The following ANKS1B variants were observed in gnomAD, a reference collection of about 807,000 sequenced individuals.
ANKS1B encodes ankyrin repeat and sterile alpha motif domain containing 1B.
Under a neutral mutation model 148.3 loss-of-function variants are expected in ANKS1B, and 36 were observed. The observed-to-expected ratio is 0.24, with a 90% CI of 0.19 to 0.32. ANKS1B has a LOEUF of 0.32. Among genes scored for constraint, ANKS1B ranks in the 10% least tolerant of loss-of-function variants. The pLI is 1.00. For missense variants in ANKS1B, 1,157 were observed against 1,542.6 expected, an observed-to-expected ratio of 0.75 and a Z score of 4.19; for synonymous variants, 542 against 560.8, an observed-to-expected ratio of 0.97 and a Z score of 0.47.
intron 17 of ANKS1B, among the ~76,000 whole-genome samples, chr12:98,978,812 A>T (rs770616665): frequency 3.3e-5 from 5 of 152,156 alleles, no homozygotes; most frequent in Non-Finnish European, 7.3e-5. Context: ...TAATAATAAC[A>T]TATTTTTGCT....
At chr12:99,200,892 G>T (rs1171076031) in intron 14 of ANKS1B, among the ~76,000 whole-genome samples, 1 of 152,162 alleles carries the variant, frequency 6.6e-6, no homozygotes, top group Non-Finnish European at 1.5e-5. Context: ...AAGAATCTGT[G>T]ACTCATCAAA....
At chr12:99,130,329 T>C (rs1479884949) in intron 15 of ANKS1B, among the ~76,000 whole-genome samples, 2 of 152,204 alleles carry the variant, frequency 1.3e-5, no homozygotes, top group Admixed American at 6.5e-5. Context: ...TTTTTTTTCT[T>C]CTGCAGCTCT....
intron 10 of ANKS1B, among the ~76,000 whole-genome samples, chr12:99,468,642 C>T (rs1459419745): frequency 6.6e-6 from 1 of 152,184 alleles, no homozygotes; most frequent in East Asian, 1.9e-4. Context: ...TATGAACAGA[C>T]ACTTCTCAAA....
At chr12:99,088,308 T>C (rs1430350487) in intron 15 of ANKS1B, among the ~76,000 whole-genome samples, 2 of 152,164 alleles carry the variant, frequency 1.3e-5, no homozygotes, top group Non-Finnish European at 2.9e-5. Flanking sequence ...GTTTGGATCA[T>C]GGCGGGGCAA....
intron 8 of ANKS1B, among the ~76,000 whole-genome samples, chr12:99,702,581 C>T (rs1420483534): frequency 6.6e-6 from 1 of 151,994 alleles, no homozygotes; most frequent in African/African-American, 2.4e-5. Context: ...CTTGCTCTAT[C>T]GCTCAGGCTG....
At chr12:99,862,438 C>G (rs1456914496) in intron 1 of ANKS1B, among the ~76,000 whole-genome samples, 1 of 152,138 alleles carries the variant, frequency 6.6e-6, no homozygotes, top group African/African-American at 2.4e-5. Flanking sequence ...AAGGTAGACT[C>G]AAGACAAATA....
intron 17 of ANKS1B, among the ~76,000 whole-genome samples, chr12:98,888,807 G>A (rs1233219375): frequency 6.6e-6 from 1 of 152,062 alleles, no homozygotes; most frequent in African/African-American, 2.4e-5. Flanking sequence ...CTGCTGGATG[G>A]CCTTCATGGC....
intron 19 of ANKS1B, among the ~76,000 whole-genome samples, chr12:98,819,641 C>T (rs1331080624): frequency 6.6e-6 from 1 of 152,162 alleles, no homozygotes; most frequent in Non-Finnish European, 1.5e-5. Flanking sequence ...AAACTTGTGG[C>T]TGTCTGTAAG....
chr12:99,107,450 C>T (rs2059454546), intron 15 of ANKS1B, among the ~76,000 whole-genome samples: 1 of 152,202 alleles, frequency 6.6e-6, no homozygotes, highest in Non-Finnish European at 1.5e-5. Flanking sequence ...TAGACATACT[C>T]AACAGCCTGT....
chr12:99,827,955 A>G (rs1372708074), intron 1 of ANKS1B, among the ~76,000 whole-genome samples: 3 of 152,190 alleles, frequency 2.0e-5, no homozygotes, highest in Non-Finnish European at 2.9e-5. Context: ...AGCCCAGAGA[A>G]ATGAAAGCAT....
At position 99,543,763 on chromosome 12, in the gene ANKS1B, A is replaced by T. The variant is rs538809905; in HGVS notation, c.1273-39122T>A. Among the ~76,000 whole-genome samples, 3 of 152,316 alleles carry T rather than the reference A, an allele frequency of 2.0e-5. No individual in the cohort carries two copies. In the East Asian group the frequency reaches 5.8e-4, roughly 29 times the overall value. ...GAAAAAAACAGATAGAAAAGGCCAC[A>T]TATTACACGATTTCATTTATATGGC... On this transcript the variant is annotated intron_variant, in intron 9 of 26. Transcript: ENST00000683438.
At chr12:99,285,434 A>C (rs1280211336) in intron 12 of ANKS1B, among the ~76,000 whole-genome samples, 1 of 152,128 alleles carries the variant, frequency 6.6e-6, no homozygotes, top group Non-Finnish European at 1.5e-5. Flanking sequence ...TTTGTATAAA[A>C]CTCATTCTAT....
In ANKS1B at chr12:99,682,007, T is replaced by C. The variant is rs138013651; in HGVS notation, c.1129-26797A>G. Among the ~76,000 whole-genome samples, 4 of 152,202 alleles carry C rather than the reference T, an allele frequency of 2.6e-5. No homozygotes were observed. The East Asian group carries it at 7.7e-4, about 29-fold the overall frequency. On this transcript the variant is annotated intron_variant, in intron 8 of 26. Coordinates refer to ENST00000683438, the MANE Select transcript of ANKS1B (RefSeq NM_001352186.2). ...AAAACAGACTTTGAAGCAACAAAAGTTTTAAAAAACAAAGAGGGACATTAT... is the reference window on the plus strand; with the variant it reads ...AAAACAGACTTTGAAGCAACAAAAGCTTTAAAAAACAAAGAGGGACATTAT...
At chr12:99,927,539 C>A (rs1603462047) in intron 1 of ANKS1B, among the ~76,000 whole-genome samples, 2 of 152,252 alleles carry the variant, frequency 1.3e-5, no homozygotes, top group Admixed American at 6.5e-5. Context: ...CTTGTTTTTA[C>A]AAGGGACTTA....
intron 17 of ANKS1B, among the ~76,000 whole-genome samples, chr12:98,908,556 A>G (rs2099782561): frequency 6.6e-6 from 1 of 152,268 alleles, no homozygotes; most frequent in Non-Finnish European, 1.5e-5. Context: ...TGAGAATTAA[A>G]TAAGATGACA....
At position 99,781,911 on chromosome 12, in the gene ANKS1B, T is replaced by A; in HGVS notation, c.745+111A>T. On this transcript the variant is annotated intron_variant, in intron 5 of 26. Coordinates refer to ENST00000683438, the MANE Select transcript of ANKS1B (RefSeq NM_001352186.2). The stretch of plus-strand genomic sequence containing the variant: ...ATGAATACATATCTGCATTTTAGAG[T>A]AAAGGCAAGAGGGTGATTTGTGAAG... The A allele has an allele frequency of 4.5e-6, 4 of 891,442 alleles. No individual in the cohort carries two copies. The South Asian group carries it at 6.8e-5, about 15-fold the overall frequency. The allele number at this position is 891,442 out of a possible 1,614,324, so 55.2% of individuals were successfully genotyped here. A position where few individuals can be genotyped will look rare whatever the true frequency, so the allele number is the denominator to read the frequency against.
intron 14 of ANKS1B, among the ~76,000 whole-genome samples, chr12:99,162,253 G>A (rs997649087): frequency 6.6e-6 from 1 of 151,888 alleles, no homozygotes; most frequent in African/African-American, 2.4e-5. Flanking sequence ...TTGTGATGAT[G>A]GTTGCACAAC....
intron 25 of ANKS1B, among the ~76,000 whole-genome samples, chr12:98,752,864 T>G (rs899961333): frequency 6.6e-6 from 1 of 152,206 alleles, no homozygotes; most frequent in Admixed American, 6.5e-5. Flanking sequence ...CTGAGAAGTT[T>G]GGGTCTTTTT....
intron 19 of ANKS1B, among the ~76,000 whole-genome samples, chr12:98,813,221 T>G (rs1416811987): frequency 1.3e-5 from 2 of 151,878 alleles, no homozygotes; most frequent in Non-Finnish European, 2.9e-5. Context: ...TTGTTTTTTT[T>G]TTTTTCTTGA....
Sources: allele counts gnomAD v4.1 joint callset (sites outside exome capture counted in the v4.1 genomes callset), GRCh38; gene constraint gnomAD v4.1.1; transcripts MANE v1.5; gene names NCBI Gene and HGNC (gene_info 2026-07-23, HGNC 2026-07-21).